Variants in HMMR observed in about 807,000 individuals in gnomAD.
The protein encoded by HMMR is intracellular hyaluronic acid-binding protein.
HMMR carries 108 observed loss-of-function variants against 101.0 expected under a neutral mutation model. That is an observed-to-expected ratio of 1.07 (90% CI 0.92 to 1.25). The LOEUF (loss-of-function observed/expected upper bound fraction) is 1.25. HMMR is among the 50% of genes most tolerant of loss of function. The probability of loss-of-function intolerance (pLI) is 0.00; values close to 1 mark genes in which losing one functional copy is unlikely to be tolerated. For missense variants in HMMR, 813 were observed against 788.7 expected (o/e 1.03, Z -0.37); for synonymous variants, 296 against 276.4 (o/e 1.07, Z -0.70).
In HMMR at chr5:163,483,291, C is replaced by A. The variant is rs1759341873; in HGVS notation, c.1709C>A (p.Thr570Lys). ...AGAAAAGCTGAAAAAGAAAATACAACAGCAGAATTAACTGAAGAAATTAAC... is the reference window on the plus strand; with the variant it reads ...AGAAAAGCTGAAAAAGAAAATACAAAAGCAGAATTAACTGAAGAAATTAAC... ...EGRKAEKENT[T>K]AELTEEINKW... The change falls in exon 15 of 18, where the codon ACA becomes AAA. Residue 570 changes from threonine (T) to lysine (K), a missense_variant. By Grantham distance (78) the Thr-to-Lys change is moderately conservative (BLOSUM62 -1). Transcript: ENST00000393915. 6.2e-7 allele frequency: 1 copy of A among 1,608,850 alleles called. No homozygotes were observed. The highest frequency in any genetic ancestry group is 8.5e-7 in the Non-Finnish European group (1 of 1,175,768).
chr5:163,485,814 T>C (rs570725023), intron 16 of HMMR, among the ~76,000 whole-genome samples: 2 of 152,360 alleles, frequency 1.3e-5, no homozygotes, highest in African/African-American at 4.8e-5. Context: ...GATTTTGAGT[T>C]AATTTTTGTA....
At chr5:163,483,231 A>G in intron 14 of HMMR, 37 bp from the exon 15 acceptor site, 2 of 1,594,468 alleles carry the variant, frequency 1.3e-6, no homozygotes. Flanking sequence ...GATTTTTTAA[A>G]TAACTATGTT....
intron 11 of HMMR, 93 bp downstream of exon 11, chr5:163,475,765 G>A (rs777507529): frequency 2.7e-5 from 14 of 519,296 alleles, no homozygotes; most frequent in East Asian, 9.7e-5. Context: ...TCATGTGAGC[G>A]TGTTAGGTTG....
In HMMR at chr5:163,471,416, G is replaced by A; in HGVS notation, c.603G>A (p.Arg201=). 6 of 1,613,984 alleles carry A rather than the reference G, an allele frequency of 3.7e-6. No individual in the cohort carries two copies. Among genetic ancestry groups the A allele is most frequent in the Non-Finnish European group, 5.1e-6 (6 of 1,179,966 alleles). The part of the protein sequence containing the change: ...GMEMKLQVTQ[R]SLEESQGKIA... ...AGATGAAGCTGCAGGTCACCCAAAG[G>A]AGTCTCGAAGAGTCTCAAGGGAAAA... The change falls in exon 7 of 18, where the codon AGG becomes AGA. Residue 201 remains arginine (R), a synonymous_variant. Coordinates refer to ENST00000393915, the MANE Select transcript of HMMR (RefSeq NM_001142556.2).
Position 163,473,545 on chromosome 5 carries a change from G to GAAAA in HMMR, c.894_897dup (p.Glu300LysfsTer11). The stretch of plus-strand genomic sequence containing the variant: ...TCTAAATGTGAAATGTCAGCTGCTT[G>GAAAA]AAAAAGAAAAAGGTATTACAGTGTT... On this transcript the variant is annotated frameshift_variant, in exon 9 of 18. Transcript: ENST00000393915. LOFTEE classifies it high-confidence loss of function. The GAAAA allele has an allele frequency of 2.6e-6, 4 of 1,556,676 alleles. No individual in the cohort carries two copies. In the Admixed American group the frequency reaches 6.0e-5, roughly 23 times the overall value.
chr5:163,486,103 T>C (rs1320362556), intron 16 of HMMR, among the ~76,000 whole-genome samples: 2 of 152,226 alleles, frequency 1.3e-5, no homozygotes, highest in African/African-American at 4.8e-5. Flanking sequence ...TATTTTTCAA[T>C]ATGGTTTTGT....
At position 163,460,702 on chromosome 5, in the gene HMMR, C is replaced by A. The variant is rs750243478; in HGVS notation, c.10C>A (p.Pro4Thr). Residue 4 changes from proline to threonine, a missense_variant, in exon 1 of 18, where the codon CCT (proline) becomes ACT (threonine). Transcript: ENST00000393915. MSFPKAPLKRFNDP... is the reference protein window; with the variant it reads MSFTKAPLKRFNDP... ...GGAGCTGGCCGTCAACATGTCCTTTCCTAAGGCGCCCTTGAAACGATTCAA... is the reference window on the plus strand; with the variant it reads ...GGAGCTGGCCGTCAACATGTCCTTTACTAAGGCGCCCTTGAAACGATTCAA... 22 of 1,607,240 alleles carry A rather than the reference C, an allele frequency of 1.4e-5. 1 individual carries two copies. The Middle Eastern group carries it at 5.0e-4, about 36-fold the overall frequency.
intron 1 of HMMR, among the ~76,000 whole-genome samples, chr5:163,461,100 T>G (rs1482823920): frequency 6.6e-6 from 1 of 152,242 alleles, no homozygotes; most frequent in African/African-American, 2.4e-5. Flanking sequence ...ACTGGAGTAT[T>G]ACTTGTAGTC....
At chr5:163,482,047 C>T (rs1759285117) in intron 12 of HMMR, among the ~76,000 whole-genome samples, 1 of 152,176 alleles carries the variant, frequency 6.6e-6, no homozygotes, top group Admixed American at 6.5e-5. Flanking sequence ...TCCCGAGTAG[C>T]TGAGATTACA....
At chr5:163,487,006 GTTGCAGTGAACCGAGA>G (rs1447781903) in intron 16 of HMMR, among the ~76,000 whole-genome samples, 1 of 152,160 alleles carries the variant, frequency 6.6e-6, no homozygotes, top group African/African-American at 2.4e-5. Flanking sequence ...GAAGACAGAG[GTTGCAGTGAACCGAGA>G]TGGAGCCATT....
chr5:163,468,064 C>T (rs956797204), intron 4 of HMMR, among the ~76,000 whole-genome samples: 1 of 152,238 alleles, frequency 6.6e-6, no homozygotes, highest in Non-Finnish European at 1.5e-5. Context: ...CGTTCACAGT[C>T]TTCCTGTATG....
In HMMR at chr5:163,489,656, G is replaced by A. The variant is rs561826899; in HGVS notation, c.1963-734G>A. Among the ~76,000 whole-genome samples, 26 of 152,290 alleles carry A rather than the reference G, an allele frequency of 1.7e-4. No homozygotes were observed. In the East Asian group the frequency reaches 5.0e-3, roughly 29 times the overall value. On this transcript the variant is annotated intron_variant, in intron 16 of 17. Transcript: ENST00000393915. ...CCAGAGAAAGAGTCATCGGGGCCCA[G>A]CATTTTCAACACACTGTGCCCAAGG...
chr5:163,477,561 G>C (rs1759110845), intron 11 of HMMR, among the ~76,000 whole-genome samples: 1 of 152,132 alleles, frequency 6.6e-6, no homozygotes, highest in South Asian at 2.1e-4. Flanking sequence ...TCAGGGAACA[G>C]GAATCTTGGG....
intron 15 of HMMR, 46 bp downstream of exon 15, chr5:163,483,413 C>T (rs770485260): frequency 9.6e-7 from 1 of 1,040,312 alleles, no homozygotes; most frequent in South Asian, 1.4e-5. Flanking sequence ...TTTAGGGACT[C>T]ACTTTGTTCC....
intron 2 of HMMR, 72 bp from the exon 3 acceptor site, chr5:163,464,651 G>A: frequency 2.0e-6 from 2 of 1,021,642 alleles, no homozygotes; most frequent in South Asian, 1.4e-5. Context: ...AAAAAAATTT[G>A]GAAATTGTGT....
intron 3 of HMMR, 144 bp downstream of exon 3, chr5:163,464,946 A>T: frequency 1.7e-6 from 1 of 601,028 alleles, no homozygotes; most frequent in Non-Finnish European, 2.9e-6. Flanking sequence ...TATCATTAGA[A>T]CTCTAGCAAG....
chr5:163,480,583 C>G (rs144615750), intron 12 of HMMR, among the ~76,000 whole-genome samples: 9 of 152,288 alleles, frequency 5.9e-5, no homozygotes, highest in Non-Finnish European at 1.0e-4. Flanking sequence ...ATGTTCAACT[C>G]TAAAACTTAA....
At position 163,478,673 on chromosome 5, in the gene HMMR, C is replaced by G. The variant is rs553088824; in HGVS notation, c.1269-11C>G. 1 of 1,536,734 alleles carries G rather than the reference C, an allele frequency of 6.5e-7. No homozygotes were observed. The highest frequency in any genetic ancestry group is 9.0e-7 in the Non-Finnish European group (1 of 1,110,516). On this transcript the variant is annotated splice_polypyrimidine_tract_variant and intron_variant, in intron 11 of 17. Transcript: ENST00000393915. ...GTGGCATTTTATCTTTCAATTATTT[C>G]TTTTTCTTAGGAAGGAGGCTGAACT...
chr5:163,465,364 C>A (rs1758663854), intron 3 of HMMR, among the ~76,000 whole-genome samples: 1 of 151,738 alleles, frequency 6.6e-6, no homozygotes, highest in South Asian at 2.1e-4. Context: ...GATGGAGTAT[C>A]ACTCTGTCAC....
Sources: allele counts gnomAD v4.1 joint callset (sites outside exome capture counted in the v4.1 genomes callset), GRCh38; gene constraint gnomAD v4.1.1; transcripts MANE v1.5; gene names NCBI Gene and HGNC (gene_info 2026-07-23, HGNC 2026-07-21).